Variants in SCN2A observed in about 807,000 individuals in gnomAD.
SCN2A encodes the protein sodium voltage-gated channel alpha subunit 2, also known as sodium channel protein type 2 subunit alpha.
Under a neutral mutation model 188.7 loss-of-function variants are expected in SCN2A, and 20 were observed. That is an observed-to-expected ratio of 0.11 (90% CI 0.07 to 0.15). The LOEUF is 0.15. SCN2A is among the 10% of genes least tolerant of loss of function. The pLI is 1.00. For missense variants in SCN2A, 1,278 were observed against 2,445.0 expected, an observed-to-expected ratio of 0.52 and a Z score of 10.07; for synonymous variants, 804 against 833.1, an observed-to-expected ratio of 0.97 and a Z score of 0.60.
At chr2:165,311,948 C>T in intron 7 of SCN2A, 77 bp from the exon 8 acceptor site, 1 of 924,836 alleles carries the variant, frequency 1.1e-6, no homozygotes, top group Admixed American at 1.9e-5. Flanking sequence ...CATTTGTGAG[C>T]TTTGCCACCT....
chr2:165,241,833 T>C (rs1299164491), intron 1 of SCN2A, among the ~76,000 whole-genome samples: 1 of 152,192 alleles, frequency 6.6e-6, no homozygotes, highest in Non-Finnish European at 1.5e-5. Context: ...GAAAAGATTT[T>C]AGGAGGATGT....
At chr2:165,299,915 CA>C (rs1045270869) in intron 3 of SCN2A, among the ~76,000 whole-genome samples, 4 of 152,152 alleles carry the variant, frequency 2.6e-5, no homozygotes, top group African/African-American at 9.7e-5. Context: ...CTATTTCAAA[CA>C]AAAACCTTGA....
chr2:165,265,966 A>G (rs1694844000), intron 1 of SCN2A, among the ~76,000 whole-genome samples: 1 of 151,668 alleles, frequency 6.6e-6, no homozygotes, highest in African/African-American at 2.4e-5. Context: ...GACCATAGGT[A>G]TGTGCCACCA....
At position 165,313,692 on chromosome 2, in the gene SCN2A, C is replaced by T. The variant is rs1239837511; in HGVS notation, c.1107C>T (p.Thr369=). Reference sequence around the variant, plus strand: ...ACTATGGCTACACGAGCTTTGACACCTTTAGTTGGGCCTTTTTGTCCTTAT... The same window carrying T: ...ACTATGGCTACACGAGCTTTGACACTTTTAGTTGGGCCTTTTTGTCCTTAT... ...NPNYGYTSFD[T]FSWAFLSLFR... Residue 369 remains threonine, a synonymous_variant, in exon 9 of 27, where the codon ACC becomes ACT. Transcript: ENST00000375437. 2 of 1,613,644 alleles carry T rather than the reference C, an allele frequency of 1.2e-6. No individual in the cohort carries two copies. The highest frequency in any genetic ancestry group is 1.7e-6 in the Non-Finnish European group (2 of 1,179,666).
rs540994733 is a variant in SCN2A, at chr2:165,367,262, G to T, written c.3566G>T (p.Gly1189Val). 6.2e-7 allele frequency: 1 copy of T among 1,614,108 alleles called. No individual in the cohort carries two copies. The highest frequency in any genetic ancestry group is 1.1e-5 in the South Asian group (1 of 91,082). Reference protein sequence around the residue: ...FKCCQISIEEGKGKLWWNLRK... With the variant: ...FKCCQISIEEVKGKLWWNLRK... The stretch of plus-strand genomic sequence containing the variant: ...TGTTGTCAGATAAGCATAGAAGAAG[G>T]CAAAGGGAAACTCTGGTGGAATTTG... The change falls in exon 19 of 27, where the codon GGC becomes GTC. Residue 1189 changes from glycine (G) to valine (V), a missense_variant. By Grantham distance (109) the Gly-to-Val change is moderately radical. Around this residue, in one of 17 missense-constraint regions of SCN2A, gnomAD observed 228 missense variants for 297.3 expected, o/e 0.77. Transcript: ENST00000375437.
intron 1 of SCN2A, among the ~76,000 whole-genome samples, chr2:165,256,230 C>A (rs1694319256): frequency 6.6e-6 from 1 of 152,020 alleles, no homozygotes; most frequent in Non-Finnish European, 1.5e-5. Flanking sequence ...ATCGCAAACT[C>A]CTGACCTCAG....
At chr2:165,281,603 CT>C (rs1695587103) in intron 1 of SCN2A, among the ~76,000 whole-genome samples, 1 of 152,132 alleles carries the variant, frequency 6.6e-6, no homozygotes, top group African/African-American at 2.4e-5. Flanking sequence ...ATGGCTCATA[CT>C]TTGACTTTTC....
intron 13 of SCN2A, among the ~76,000 whole-genome samples, chr2:165,330,786 G>A (rs1698631160): frequency 6.6e-6 from 1 of 152,004 alleles, no homozygotes; most frequent in South Asian, 2.1e-4. Context: ...GTAGAGAGAT[G>A]GAACTTTGTT....
chr2:165,294,984 G>A (rs988973397), intron 1 of SCN2A, among the ~76,000 whole-genome samples: 2 of 152,172 alleles, frequency 1.3e-5, no homozygotes, highest in Admixed American at 6.5e-5. Context: ...TATCTCTACA[G>A]TATTTCCTAA....
chr2:165,389,712 C>T lies in SCN2A; in HGVS notation c.5906C>T (p.Thr1969Ile). ...GAGAAAACCGATATGACGCCTTCCA[C>T]CACGTCTCCACCCTCGTATGATAGT... ...TPEKTDMTPSTTSPPSYDSVT... is the reference protein window; with the variant it reads ...TPEKTDMTPSITSPPSYDSVT... Residue 1969 changes from threonine to isoleucine, a missense_variant, in exon 27 of 27, where the codon ACC (threonine) becomes ATC (isoleucine). By Grantham distance (89) the Thr-to-Ile change is moderately conservative. Coordinates refer to ENST00000375437, the MANE Select transcript of SCN2A (RefSeq NM_001040142.2). This position sits in a 1 kb window ranked among gnomAD's most constrained non-coding sequence, Gnocchi z 4.2. 1.9e-6 allele frequency: 3 copies of T among 1,613,920 alleles called. No homozygotes were observed. Among genetic ancestry groups the T allele is most frequent in the Non-Finnish European group, 2.5e-6 (3 of 1,179,946 alleles).
chr2:165,313,949 C>A lies in SCN2A; in HGVS notation c.1224C>A (p.Val408=), dbSNP rs762773869. The stretch of plus-strand genomic sequence containing the variant: ...CGTACATGATATTTTTTGTGCTGGT[C>A]ATTTTCTTGGGCTCATTCTATCTAA... The part of the protein sequence containing the change: ...GKTYMIFFVL[V]IFLGSFYLIN... Residue 408 remains valine (V), a synonymous_variant, in exon 10 of 27, where the codon GTC becomes GTA. Transcript: ENST00000375437. The A allele has an allele frequency of 6.2e-6, 10 of 1,613,682 alleles. No homozygotes were observed. In the East Asian group the frequency reaches 2.2e-4, roughly 36 times the overall value.
chr2:165,258,752 CA>C (rs1287961836), intron 1 of SCN2A, among the ~76,000 whole-genome samples: 3 of 152,138 alleles, frequency 2.0e-5, no homozygotes, highest in African/African-American at 7.2e-5. Context: ...ACTATGCAGC[CA>C]TAAAAGATTA....
Position 165,389,766 on chromosome 2 carries a change from A to G in SCN2A, c.5960A>G (p.Glu1987Gly), listed in dbSNP as rs757068860. The G allele has an allele frequency of 5.0e-6, 8 of 1,613,176 alleles. No homozygotes were observed. Among genetic ancestry groups the G allele is most frequent in the Non-Finnish European group, 6.8e-6 (8 of 1,179,720 alleles). Residue 1987 changes from glutamate (E) to glycine (G), a missense_variant, in exon 27 of 27, where the codon GAA (glutamate) becomes GGA (glycine). Transcript: ENST00000375437. This position sits in a 1 kb window ranked among gnomAD's most constrained non-coding sequence, Gnocchi z 4.2. ...SVTKPEKEKF[E>G]KDKSEKEDKG... ...ACCAAACCAGAAAAAGAAAAATTTGAAAAAGACAAATCAGAAAAGGAAGAC... is the reference window on the plus strand; with the variant it reads ...ACCAAACCAGAAAAAGAAAAATTTGGAAAAGACAAATCAGAAAAGGAAGAC...
intron 14 of SCN2A, among the ~76,000 whole-genome samples, chr2:165,339,013 A>G (rs964376673): frequency 6.6e-6 from 1 of 152,190 alleles, no homozygotes; most frequent in Non-Finnish European, 1.5e-5. Flanking sequence ...TGAGGTCAGG[A>G]GTTCGAGACC....
intron 11 of SCN2A, among the ~76,000 whole-genome samples, chr2:165,318,242 A>G (rs890488556): frequency 6.6e-6 from 1 of 152,180 alleles, no homozygotes; most frequent in Admixed American, 6.5e-5. Flanking sequence ...AGTAAGTGGA[A>G]ATATGAATTG....
chr2:165,268,679 A>C (rs1694978907), intron 1 of SCN2A: 1 of 151,988 alleles, frequency 6.6e-6, no homozygotes, highest in South Asian at 2.1e-4. Context: ...TGTCGTGTTT[A>C]TTGCAGCATT....
At chr2:165,308,390 G>A (rs567926713) in intron 4 of SCN2A, among the ~76,000 whole-genome samples, 17 of 152,134 alleles carry the variant, frequency 1.1e-4, no homozygotes, top group Non-Finnish European at 2.2e-4. Context: ...CTGAATGCCA[G>A]TGTATTTCAG....
chr2:165,300,972 G>T (rs1322079290), intron 3 of SCN2A, among the ~76,000 whole-genome samples: 2 of 152,190 alleles, frequency 1.3e-5, no homozygotes, highest in Admixed American at 1.3e-4. Flanking sequence ...TTGGAGTATG[G>T]TGGAAACAAT....
intron 19 of SCN2A, among the ~76,000 whole-genome samples, chr2:165,369,060 G>T (rs1328043367): frequency 6.6e-6 from 1 of 151,936 alleles, no homozygotes; most frequent in East Asian, 1.9e-4. Flanking sequence ...CAAGTAGCTG[G>T]GATTACAGGT....
Sources: gnomAD v4.1 joint callset for allele counts (sites outside exome capture counted in the v4.1 genomes callset) on GRCh38, gnomAD v4.1.1 for gene constraint, gnomAD v4.1.1 regional missense constraint, Gnocchi (gnomAD v3.1) non-coding constraint, MANE v1.5 for transcripts, NCBI Gene and HGNC (gene_info 2026-07-23, HGNC 2026-07-21) for gene names.